SUPT3H: variants seen among roughly 807,000 people sequenced by gnomAD.
SUPT3H encodes SPT3 homolog, SAGA and STAGA complex component, also known as transcription initiation protein SPT3 homolog.
A neutral mutation model predicts 44.3 loss-of-function variants in SUPT3H; 44 were observed. The ratio of observed to expected loss-of-function variants is 0.99; its 90% CI spans 0.78 to 1.28. The LOEUF (loss-of-function observed/expected upper bound fraction) is 1.28, where lower values mean the gene tolerates loss of function less well. Among genes scored for constraint, SUPT3H ranks in the 50% most tolerant of loss-of-function variants. The pLI, the probability that SUPT3H is intolerant of heterozygous loss-of-function variation, is 0.00. For missense variants in SUPT3H, 380 were observed against 387.1 expected (o/e 0.98, Z 0.15); for synonymous variants, 124 against 125.6 (o/e 0.99, Z 0.09).
At chr6:44,998,571 A>G (rs1003786973) in intron 6 of SUPT3H, among the ~76,000 whole-genome samples, 2 of 151,894 alleles carry the variant, frequency 1.3e-5, no homozygotes, top group African/African-American at 4.8e-5. Flanking sequence ...TCTGGCAAAT[A>G]AAAGTGGTAA....
At chr6:45,202,643 T>C (rs1348455589) in intron 2 of SUPT3H, among the ~76,000 whole-genome samples, 1 of 152,096 alleles carries the variant, frequency 6.6e-6, no homozygotes, top group Non-Finnish European at 1.5e-5. Flanking sequence ...TTGTACATTA[T>C]TACTACTCGT....
chr6:44,941,133 C>A (rs1314148445), intron 9 of SUPT3H, among the ~76,000 whole-genome samples: 4 of 151,916 alleles, frequency 2.6e-5, no homozygotes, highest in Admixed American at 1.3e-4. Context: ...TTGATAAATT[C>A]TTTGTTTCTT....
At chr6:45,268,785 C>T (rs989168241) in intron 2 of SUPT3H, among the ~76,000 whole-genome samples, 1 of 152,108 alleles carries the variant, frequency 6.6e-6, no homozygotes, top group Non-Finnish European at 1.5e-5. Context: ...CTGAAAGAAA[C>T]TTATTTCAGA....
intron 3 of SUPT3H, among the ~76,000 whole-genome samples, chr6:45,044,801 G>A (rs1264061772): frequency 2.0e-5 from 3 of 152,056 alleles, no homozygotes; most frequent in Non-Finnish European, 4.4e-5. Context: ...TCTTGGATGG[G>A]ATCTCTTCCA....
chr6:45,303,387 T>C (rs1257794637), intron 2 of SUPT3H, among the ~76,000 whole-genome samples: 1 of 152,046 alleles, frequency 6.6e-6, no homozygotes, highest in Non-Finnish European at 1.5e-5. Context: ...AAAGGACTAA[T>C]ATCCAGAATC....
At chr6:45,071,846 C>A (rs1049362552) in intron 3 of SUPT3H, among the ~76,000 whole-genome samples, 1 of 152,162 alleles carries the variant, frequency 6.6e-6, no homozygotes, top group African/African-American at 2.4e-5. Flanking sequence ...ATGCCCAGAC[C>A]TACCAAAGAA....
intron 2 of SUPT3H, among the ~76,000 whole-genome samples, chr6:45,287,093 G>T (rs1256878957): frequency 6.6e-6 from 1 of 152,026 alleles, no homozygotes; most frequent in Non-Finnish European, 1.5e-5. Context: ...AGCCTGTTGT[G>T]GGGTCGGAGG....
At chr6:44,918,035 A>C (rs768513659) in intron 10 of SUPT3H, among the ~76,000 whole-genome samples, 14 of 152,132 alleles carry the variant, frequency 9.2e-5, no homozygotes, top group Admixed American at 2.6e-4. Flanking sequence ...TGTGACATTA[A>C]GTTAAATGAC....
intron 2 of SUPT3H, among the ~76,000 whole-genome samples, chr6:45,243,002 T>C (rs1562777120): frequency 6.6e-6 from 1 of 152,022 alleles, no homozygotes; most frequent in Non-Finnish European, 1.5e-5. Context: ...AGGACCAGCC[T>C]AACCAACATG....
chr6:44,814,096 G>GCA (rs1766740043), intron 11 of SUPT3H, among the ~76,000 whole-genome samples: 1 of 152,112 alleles, frequency 6.6e-6, no homozygotes, highest in African/African-American at 2.4e-5. Flanking sequence ...AGAAAAGCAG[G>GCA]CACATTACCT....
intron 3 of SUPT3H, among the ~76,000 whole-genome samples, chr6:45,082,913 G>GT (rs1795998585): frequency 6.6e-6 from 1 of 151,988 alleles, no homozygotes; most frequent in African/African-American, 2.4e-5. Flanking sequence ...AATGATAAAT[G>GT]ACTTTAGTAA....
intron 7 of SUPT3H, among the ~76,000 whole-genome samples, chr6:44,958,872 G>GTTTTTTTT (rs10670652): frequency 5.1e-5 from 5 of 98,276 alleles, no homozygotes; most frequent in Non-Finnish European, 5.6e-5. Context: ...CTTATCAATG[G>GTTTTTTTT]TTTTTTTTTT....
At chr6:44,880,169 G>A (rs1439965215) in intron 10 of SUPT3H, among the ~76,000 whole-genome samples, 1 of 152,006 alleles carries the variant, frequency 6.6e-6, no homozygotes, top group Non-Finnish European at 1.5e-5. Context: ...CAAGAAAGCT[G>A]AGAACCCTGA....
Position 44,834,145 on chromosome 6 carries a change from A to G in SUPT3H, c.913-4288T>C, listed in dbSNP as rs538150599. 2.6e-5 allele frequency among the ~76,000 whole-genome samples: 4 copies of G among 152,312 alleles called. No homozygotes were observed. In the East Asian group the frequency reaches 7.7e-4, roughly 29 times the overall value. On this transcript the variant is annotated intron_variant, in intron 10 of 10. Coordinates refer to ENST00000371459, the MANE Select transcript of SUPT3H (RefSeq NM_003599.4). ...CTTTGGAATGTCTTAGAAGTATCCC[A>G]GGTGCATAGTGAGAGCTGAGAACAG...
At chr6:45,288,551 ATATATATATATATG>A (rs1779713438) in intron 2 of SUPT3H, among the ~76,000 whole-genome samples, 1 of 4,688 alleles carries the variant, frequency 2.1e-4, no homozygotes, top group African/African-American at 5.6e-4. Flanking sequence ...GTGTGTGTAT[ATATATATATATATG>A]TATATATATA....
intron 10 of SUPT3H, among the ~76,000 whole-genome samples, chr6:44,905,726 T>C (rs1359822154): frequency 6.6e-6 from 1 of 152,206 alleles, no homozygotes; most frequent in African/African-American, 2.4e-5. Context: ...CACATGTATG[T>C]TTATTGCGGC....
chr6:44,952,777 C>T (rs930286049), intron 9 of SUPT3H, among the ~76,000 whole-genome samples: 7 of 152,130 alleles, frequency 4.6e-5, no homozygotes, highest in Non-Finnish European at 1.0e-4. Flanking sequence ...GAAAACTTTA[C>T]GGTTCCCATA....
intron 9 of SUPT3H, among the ~76,000 whole-genome samples, chr6:44,948,765 A>G (rs531026039): frequency 6.6e-6 from 1 of 152,042 alleles, no homozygotes; most frequent in African/African-American, 2.4e-5. Context: ...GGATGTGGAG[A>G]AATAGGAACA....
intron 2 of SUPT3H, among the ~76,000 whole-genome samples, chr6:45,149,615 A>C (rs956617530): frequency 6.6e-6 from 1 of 152,300 alleles, no homozygotes; most frequent in Non-Finnish European, 1.5e-5. Context: ...CATAAAATCC[A>C]TATTTAGGTA....
Sources: allele counts gnomAD v4.1 joint callset (sites outside exome capture counted in the v4.1 genomes callset), GRCh38; gene constraint gnomAD v4.1.1; transcripts MANE v1.5; gene names NCBI Gene and HGNC (gene_info 2026-07-23, HGNC 2026-07-21).